PRR27: variants seen among roughly 807,000 people sequenced by gnomAD.
PRR27 encodes proline rich 27.
PRR27 carries 12 observed loss-of-function variants against 16.8 expected under a neutral mutation model. The ratio of observed to expected loss-of-function variants is 0.71; its 90% CI spans 0.46 to 1.16. PRR27 has a LOEUF of 1.16. Ranked by LOEUF, PRR27 falls within the 50% of genes most tolerant of loss-of-function variation. PRR27 has a pLI of 0.00. For missense variants in PRR27, 277 were observed against 273.3 expected (o/e 1.01, Z -0.10); for synonymous variants, 100 against 98.4 (o/e 1.02, Z -0.10).
chr4:70,161,231 T>C (rs998931677), intron 3 of PRR27, among the ~76,000 whole-genome samples: 1 of 124,964 alleles, frequency 8.0e-6, no homozygotes, highest in African/African-American at 2.9e-5. Context: ...TATATATATA[T>C]ATACCTGTAG....
At position 70,164,306 on chromosome 4, in the gene PRR27, TAACA is replaced by T. The variant is rs1188926239; in HGVS notation, c.*1652_*1655del. 1.3e-5 allele frequency: 2 copies of T among 152,214 alleles called. No homozygotes were observed. The highest frequency in any genetic ancestry group is 4.8e-5 in the African/African-American group (2 of 41,546). 9.4% of individuals were successfully genotyped at this position (152,214 alleles called of 1,614,324 possible). A position where few individuals can be genotyped will look rare whatever the true frequency, so the allele number is the denominator to read the frequency against. ...GGAAAGAAAAGAAGAAAGAATGAAG[TAACA>T]AACAAAGAATGAAGGAAGAAAAAAT... is the stretch of plus-strand genomic sequence containing the variant. On this transcript the variant is annotated 3_prime_UTR_variant, in exon 5 of 5. Transcript: ENST00000344526.
At position 70,166,229 on chromosome 4, in the gene PRR27, C is replaced by T. The variant is rs911164802; in HGVS notation, c.*3568C>T. On this transcript the variant is annotated 3_prime_UTR_variant, in exon 5 of 5. Coordinates refer to ENST00000344526, the MANE Select transcript of PRR27 (RefSeq NM_214711.4). ...ACATTTTATTTGACTAAAAAGTAAA[C>T]TATATTTCCTACATTATGCTATAGA... 1 of 151,928 alleles carries T rather than the reference C, an allele frequency of 6.6e-6. No homozygotes were observed. Among genetic ancestry groups the T allele is most frequent in the Non-Finnish European group, 1.5e-5 (1 of 67,896 alleles). The allele number at this position is 151,928 out of a possible 1,614,324, so 9.4% of individuals were successfully genotyped here. A position where few individuals can be genotyped will look rare whatever the true frequency, so the allele number is the denominator to read the frequency against.
Position 70,158,332 on chromosome 4 carries a change from A to G in PRR27, c.80A>G (p.Asp27Gly), listed in dbSNP as rs1578219953. The G allele has an allele frequency of 6.3e-7, 1 of 1,598,022 alleles. No individual in the cohort carries two copies. ...ACTTCTTTGTTTCTCCTTTAGGATGACAATGACGATGGTCACCCACTTCAT... is the reference window on the plus strand; with the variant it reads ...ACTTCTTTGTTTCTCCTTTAGGATGGCAATGACGATGGTCACCCACTTCAT... Reference protein sequence around the residue: ...KRRFPFIGEDDNDDGHPLHPS... With the variant: ...KRRFPFIGEDGNDDGHPLHPS... The change falls in exon 3 of 5, where the codon GAC becomes GGC. Residue 27 changes from aspartate (D) to glycine (G), a missense_variant. Transcript: ENST00000344526.
chr4:70,156,224 T>G (rs1232718254), intron 2 of PRR27, 147 bp downstream of exon 2: 3 of 442,534 alleles, frequency 6.8e-6, no homozygotes, highest in Non-Finnish European at 1.2e-5. Context: ...TCTTCCGATT[T>G]GATAGAAAAT....
rs891971321 is a variant in PRR27 at position 70,163,878 on chromosome 4, C to A, written c.*1217C>A. On this transcript the variant is annotated 3_prime_UTR_variant, in exon 5 of 5. Coordinates refer to ENST00000344526, the MANE Select transcript of PRR27 (RefSeq NM_214711.4). ...TCCATCTTGCCCCATGCTCCTCATG[C>A]AGCAGCTTTTTTTTTTTTTTCCTTT... 5 of 141,874 alleles carry A rather than the reference C, an allele frequency of 3.5e-5. No homozygotes were observed. The highest frequency in any genetic ancestry group is 7.6e-5 in the Admixed American group (1 of 13,186). The allele number at this position is 141,874 out of a possible 1,614,324, so 8.8% of individuals were successfully genotyped here.
chr4:70,156,100 C>A lies in PRR27; in HGVS notation c.75+23C>A, dbSNP rs777015446. 17 of 1,310,282 alleles carry A rather than the reference C, an allele frequency of 1.3e-5. No individual in the cohort carries two copies. In the South Asian group the frequency reaches 2.3e-4, roughly 18 times the overall value. 81.2% of individuals were successfully genotyped at this position (1,310,282 alleles called of 1,614,324 possible). On this transcript the variant is annotated intron_variant, in intron 2 of 4. Transcript: ENST00000344526. ...GAGGTAAAACTTTTTTTTCTTTACA[C>A]GCAAGTATATTTGTTTTTATCTTAA...
chr4:70,161,007 G>C (rs1378334007), intron 3 of PRR27, among the ~76,000 whole-genome samples: 3 of 151,572 alleles, frequency 2.0e-5, no homozygotes, highest in Non-Finnish European at 2.9e-5. Flanking sequence ...TTCACCAAGG[G>C]GTTACATTCA....
Position 70,166,115 on chromosome 4 carries a change from A to G in PRR27, c.*3454A>G, listed in dbSNP as rs1728761732. On this transcript the variant is annotated 3_prime_UTR_variant, in exon 5 of 5. Coordinates refer to ENST00000344526, the MANE Select transcript of PRR27 (RefSeq NM_214711.4). ...ATTTCACAATTTACTATTTTTACTC[A>G]ACATTTATATTTCTGAGACTTTTCA... The G allele has an allele frequency of 6.6e-6, 1 of 152,102 alleles. No individual in the cohort carries two copies. Among genetic ancestry groups the G allele is most frequent in the Non-Finnish European group, 1.5e-5 (1 of 67,956 alleles). The allele number at this position is 152,102 out of a possible 1,614,324, so 9.4% of individuals were successfully genotyped here.
Position 70,158,661 on chromosome 4 carries a change from G to A in PRR27, c.409G>A (p.Ala137Thr), listed in dbSNP as rs1728555321. 1 of 1,613,800 alleles carries A rather than the reference G, an allele frequency of 6.2e-7. No individual in the cohort carries two copies. Among genetic ancestry groups the A allele is most frequent in the Non-Finnish European group, 8.5e-7 (1 of 1,179,970 alleles). The change falls in exon 3 of 5, where the codon GCA becomes ACA. Residue 137 changes from alanine to threonine, a missense_variant. Physicochemically the swap from Ala to Thr is moderately conservative, Grantham distance 58. Transcript: ENST00000344526. ...TATTGCAGCTGAGCCTGCTGCAGCT[G>A]CACCTCTTACAGCCACACCTGTAGC... ...PPIAAEPAAA[A>T]PLTATPVAAE...
intron 1 of PRR27, 35 bp from the exon 2 acceptor site, chr4:70,156,019 A>C (rs1263537026): frequency 7.4e-7 from 1 of 1,344,776 alleles, no homozygotes; most frequent in Non-Finnish European, 1.0e-6. Context: ...TTTCAAATAC[A>C]TAACCGCATT....
intron 1 of PRR27, chr4:70,154,935 T>C (rs757594060): frequency 5.4e-6 from 2 of 368,938 alleles, no homozygotes; most frequent in Non-Finnish European, 1.0e-5. Flanking sequence ...AAGACAAATC[T>C]GATGGCAAAT....
chr4:70,160,304 C>T (rs1458257039), intron 3 of PRR27, among the ~76,000 whole-genome samples: 1 of 151,996 alleles, frequency 6.6e-6, no homozygotes. Flanking sequence ...ATCTTTGTAT[C>T]TACATCTTTG....
rs769213747 is a variant in PRR27 at position 70,161,577 on chromosome 4, G to T, written c.649-9G>T. 6.6e-7 allele frequency: 1 copy of T among 1,505,832 alleles called. No homozygotes were observed. Among genetic ancestry groups the T allele is most frequent in the Non-Finnish European group, 9.2e-7 (1 of 1,089,924 alleles). 93.3% of individuals were successfully genotyped at this position (1,505,832 alleles called of 1,614,324 possible). ...TTTATGAAAAGATCTTTTTTTTAAT[G>T]TTTTCTAGGCAAATCAGTGAAATTC... On this transcript the variant is annotated splice_polypyrimidine_tract_variant and intron_variant, in intron 3 of 4. Transcript: ENST00000344526.
chr4:70,162,749 C>T lies in PRR27; in HGVS notation c.*88C>T, dbSNP rs1288651860. 1 of 152,124 alleles carries T rather than the reference C, an allele frequency of 6.6e-6. No individual in the cohort carries two copies. The highest frequency in any genetic ancestry group is 1.5e-5 in the Non-Finnish European group (1 of 67,998). The allele number at this position is 152,124 out of a possible 1,614,324, so 9.4% of individuals were successfully genotyped here. The stretch of plus-strand genomic sequence containing the variant: ...AAAAGTTTTCTTTCTTTTCCAAAGA[C>T]TATTTCATTCTGTTGTATTCAGAGT... On this transcript the variant is annotated 3_prime_UTR_variant, in exon 5 of 5. Transcript: ENST00000344526.
chr4:70,156,740 C>T (rs368140922), intron 2 of PRR27, among the ~76,000 whole-genome samples: 4 of 152,080 alleles, frequency 2.6e-5, no homozygotes, highest in Admixed American at 2.6e-4. Flanking sequence ...GACACTCTAG[C>T]AAAGAAAGCT....
In PRR27 at chr4:70,158,804, T is replaced by C. The variant is rs1267785638; in HGVS notation, c.552T>C (p.Val184=). Residue 184 remains valine (V), a synonymous_variant, in exon 3 of 5, where the codon GTT becomes GTC. Coordinates refer to ENST00000344526, the MANE Select transcript of PRR27 (RefSeq NM_214711.4). ...VAAEPAAEAP[V]GVEPAAEEPS... ...CTGAGCCTGCTGCAGAGGCACCTGTTGGAGTGGAGCCAGCTGCAGAGGAAC... is the reference window on the plus strand; with the variant it reads ...CTGAGCCTGCTGCAGAGGCACCTGTCGGAGTGGAGCCAGCTGCAGAGGAAC... The C allele has an allele frequency of 1.2e-6, 2 of 1,613,650 alleles. No individual in the cohort carries two copies. Among genetic ancestry groups the C allele is most frequent in the Non-Finnish European group, 1.7e-6 (2 of 1,179,754 alleles).
intron 2 of PRR27, among the ~76,000 whole-genome samples, chr4:70,156,889 TTTAC>T (rs1728494861): frequency 6.6e-6 from 1 of 152,152 alleles, no homozygotes; most frequent in Non-Finnish European, 1.5e-5. Flanking sequence ...TTTGCATCAT[TTTAC>T]TTATTTTTTT....
Position 70,158,384 on chromosome 4 carries a change from A to G in PRR27, c.132A>G (p.Ile44Met), listed in dbSNP as rs1395664861. 1.2e-6 allele frequency: 2 copies of G among 1,613,530 alleles called. No individual in the cohort carries two copies. Among genetic ancestry groups the G allele is most frequent in the South Asian group, 2.2e-5 (2 of 91,076 alleles). The change falls in exon 3 of 5, where the codon ATA becomes ATG. Residue 44 changes from isoleucine (I) to methionine (M), a missense_variant. Transcript: ENST00000344526. ...CATCTCTGAATATTCCTTATGGCATACGGAATTTACCACCTCCTCTTTATT... is the reference window on the plus strand; with the variant it reads ...CATCTCTGAATATTCCTTATGGCATGCGGAATTTACCACCTCCTCTTTATT... ...LHPSLNIPYGIRNLPPPLYYR... is the reference protein window; with the variant it reads ...LHPSLNIPYGMRNLPPPLYYR...
In PRR27 at chr4:70,158,659, C is replaced by A. The variant is rs187879823; in HGVS notation, c.407C>A (p.Ala136Asp). The A allele has an allele frequency of 3.9e-4, 634 of 1,613,724 alleles. 4 individuals are homozygous for A. The East Asian group carries it at 0.012, about 30-fold the overall frequency. The change falls in exon 3 of 5, where the codon GCT (alanine) becomes GAT (aspartate). Residue 136 changes from alanine to aspartate, a missense_variant. Physicochemically the swap from Ala to Asp is moderately radical, Grantham distance 126. Transcript: ENST00000344526. ...APPIAAEPAAAAPLTATPVAA... is the reference protein window; with the variant it reads ...APPIAAEPAADAPLTATPVAA... ...CCTATTGCAGCTGAGCCTGCTGCAG[C>A]TGCACCTCTTACAGCCACACCTGTA...
Sources: gnomAD v4.1 joint callset for allele counts (sites outside exome capture counted in the v4.1 genomes callset) on GRCh38, gnomAD v4.1.1 for gene constraint, MANE v1.5 for transcripts, NCBI Gene and HGNC (gene_info 2026-07-23, HGNC 2026-07-21) for gene names.